Variants in ZNF577 observed in about 807,000 individuals in gnomAD.
ZNF577 encodes zinc finger protein 577.
ZNF577 carries 14 observed loss-of-function variants against 13.9 expected under a neutral mutation model. That is an observed-to-expected ratio of 1.00 (90% CI 0.66 to 1.57). The LOEUF (loss-of-function observed/expected upper bound fraction) is 1.57, where lower values mean the gene tolerates loss of function less well. ZNF577 is among the 40% of genes most tolerant of loss of function. ZNF577 has a pLI of 0.00. For missense variants in ZNF577, 555 were observed against 579.2 expected, an observed-to-expected ratio of 0.96 and a Z score of 0.43; for synonymous variants, 203 against 202.9, an observed-to-expected ratio of 1.00 and a Z score of 0.00.
At chr19:51,827,656 G>A (rs139723961) in intron 9 of ZNF577, among the ~76,000 whole-genome samples, 108 of 152,152 alleles carry the variant, frequency 7.1e-4, no homozygotes, top group African/African-American at 2.5e-3. Flanking sequence ...TTCCCAGCTG[G>A]CTTACATTTT....
rs1028836034 is a variant in ZNF577 at position 51,868,236 on chromosome 19, T to A, written c.*4296A>T. On this transcript the variant is annotated 3_prime_UTR_variant, in exon 6 of 6. Coordinates refer to ENST00000638348, the MANE Select transcript of ZNF577 (RefSeq NM_001370449.1). ...CATTGTAGACACTGTTCTAGAAGCT[T>A]TCTGTTAACAGTGATGCAGTTGTTA... 3.9e-5 allele frequency among the ~76,000 whole-genome samples: 6 copies of A among 152,204 alleles called. No individual in the cohort carries two copies. The East Asian group carries it at 1.2e-3, about 29-fold the overall frequency.
In ZNF577 at chr19:51,824,003, C is replaced by A. The variant is rs780689685; in HGVS notation, c.*600-12329G>T. The stretch of plus-strand genomic sequence containing the variant: ...TCCTACCATTCCGAATGGTCTCAGT[C>A]GCCATGAGAGAAAAATGGCCTTTTG... On this transcript the variant is annotated intron_variant and NMD_transcript_variant, in intron 9 of 10. Coordinates refer to the ZNF577 transcript ENST00000638827. The surrounding 1 kb of genome is among the most constrained non-coding windows in gnomAD (Gnocchi z 4.7). 4.3e-6 allele frequency: 7 copies of A among 1,614,056 alleles called. No homozygotes were observed. The Admixed American group carries it at 1.0e-4, about 23-fold the overall frequency.
At chr19:51,834,416 C>A (rs770646170) in intron 9 of ZNF577, among the ~76,000 whole-genome samples, 2 of 152,162 alleles carry the variant, frequency 1.3e-5, no homozygotes, top group African/African-American at 4.8e-5. Context: ...CAATATAATT[C>A]TTTTCAAGTG....
At chr19:51,866,893 A>G (rs1317248381), downstream of ZNF577, among the ~76,000 whole-genome samples, 1 of 152,096 alleles carries the variant, frequency 6.6e-6, no homozygotes, top group African/African-American at 2.4e-5. Context: ...GGGCAAGAGA[A>G]TCACTGGAAC....
At position 51,824,284 on chromosome 19, in the gene ZNF577, A is replaced by C; in HGVS notation, c.*600-12610T>G. 2 of 1,614,066 alleles carry C rather than the reference A, an allele frequency of 1.2e-6. No individual in the cohort carries two copies. The highest frequency in any genetic ancestry group is 1.7e-6 in the Non-Finnish European group (2 of 1,180,006). On this transcript the variant is annotated intron_variant and NMD_transcript_variant, in intron 9 of 10. Transcript: ENST00000638827. The surrounding 1 kb of genome is among the most constrained non-coding windows in gnomAD (Gnocchi z 4.7). ...AATGGGGACACATACTGTATTTTCA[A>C]CTTTGCATTCTGGGGTGACACTGCT...
At position 51,878,393 on chromosome 19, in the gene ZNF577, T is replaced by C. The variant is rs762425925; in HGVS notation, c.183A>G (p.Ser61=). 2 of 1,613,956 alleles carry C rather than the reference T, an allele frequency of 1.2e-6. No homozygotes were observed. Among genetic ancestry groups the C allele is most frequent in the Admixed American group, 3.3e-5 (2 of 60,022 alleles). The change falls in exon 4 of 6, where the codon TCA becomes TCG. Residue 61 remains serine (S), a synonymous_variant. Transcript: ENST00000638348. Reference sequence around the variant, plus strand: ...TGACGGCAATGCTGTCCTTACCTATTGATACTAGGTTGATGTAGTTCTCCA... The same window carrying C: ...TGACGGCAATGCTGTCCTTACCTATCGATACTAGGTTGATGTAGTTCTCCA... The part of the protein sequence containing the change: ...VMLENYINLV[S]IGYRGTKPDS...
intron 9 of ZNF577, among the ~76,000 whole-genome samples, chr19:51,817,308 C>A (rs534542491): frequency 8.6e-5 from 13 of 151,984 alleles, no homozygotes; most frequent in African/African-American, 2.7e-4. Context: ...CAAACAAAAC[C>A]AAAATAGAGT....
chr19:51,859,248 G>A (rs2084471973), intron 5 of ZNF577, among the ~76,000 whole-genome samples: 1 of 152,072 alleles, frequency 6.6e-6, no homozygotes, highest in East Asian at 1.9e-4. Context: ...CCTTTGATAG[G>A]CATTTGAGTT....
chr19:51,858,581 A>G (rs765009), intron 5 of ZNF577, among the ~76,000 whole-genome samples: 57,459 of 152,098 alleles, frequency 0.38, 11,990 homozygotes, highest in African/African-American at 0.55. Flanking sequence ...GGAAGGGGCA[A>G]AAATCTAGAG....
At chr19:51,839,821 A>C (rs537241019) in intron 9 of ZNF577, 1 of 152,124 alleles carries the variant, frequency 6.6e-6, no homozygotes, top group South Asian at 2.1e-4. Context: ...GCCTTCTTAC[A>C]CCGCAAACCT....
chr19:51,876,280 C>T (rs892935668), intron 5 of ZNF577, among the ~76,000 whole-genome samples: 10 of 152,038 alleles, frequency 6.6e-5, no homozygotes, highest in Admixed American at 6.6e-4. Context: ...GGTTTCACAT[C>T]CTGGAAGAAG....
At chr19:51,826,480 C>A (rs114018144) in intron 9 of ZNF577, among the ~76,000 whole-genome samples, 6,409 of 152,202 alleles carry the variant, frequency 0.042, 362 homozygotes, top group African/African-American at 0.13. Context: ...AATTATTAGA[C>A]CTGGCAGTTT....
At chr19:51,826,824 G>A (rs2122507306) in intron 9 of ZNF577, among the ~76,000 whole-genome samples, 1 of 152,292 alleles carries the variant, frequency 6.6e-6, no homozygotes, top group East Asian at 1.9e-4. Context: ...ATAGGAGAGT[G>A]GAAAGTGGTC....
chr19:51,886,429 ATCTTT>A (rs2084948154), intron 1 of ZNF577: 1 of 152,204 alleles, frequency 6.6e-6, no homozygotes, highest in South Asian at 2.1e-4. Context: ...AATCCAAGAT[ATCTTT>A]TCATTTTTTG....
rs2084642581 is a variant in ZNF577 at position 51,870,517 on chromosome 19, T to C, written c.*2015A>G. 6.6e-6 allele frequency among the ~76,000 whole-genome samples: 1 copy of C among 152,158 alleles called. No homozygotes were observed. The highest frequency in any genetic ancestry group is 2.1e-4 in the South Asian group (1 of 4,830). On this transcript the variant is annotated 3_prime_UTR_variant, in exon 6 of 6. Coordinates refer to ENST00000638348, the MANE Select transcript of ZNF577 (RefSeq NM_001370449.1). ...AGGTCCACTGTGATTCTCCAAATGT[T>C]AGGAGGCGTTTCCACTCCAGCTGGT...
intron 9 of ZNF577, among the ~76,000 whole-genome samples, chr19:51,827,358 T>C (rs1004035420): frequency 6.6e-6 from 1 of 152,214 alleles, no homozygotes; most frequent in African/African-American, 2.4e-5. Context: ...GTTTCACTTA[T>C]TGGCATGAGA....
chr19:51,877,181 G>T (rs2122690570), intron 5 of ZNF577, 101 bp downstream of exon 5: 1 of 978,140 alleles, frequency 1.0e-6, no homozygotes, highest in Non-Finnish European at 1.6e-6. Flanking sequence ...ACCAACTACT[G>T]TGAAGTCCTC....
chr19:51,832,468 G>C (rs2084265647), intron 9 of ZNF577, among the ~76,000 whole-genome samples: 1 of 151,972 alleles, frequency 6.6e-6, no homozygotes, highest in African/African-American at 2.4e-5. Context: ...TGATCCTCCT[G>C]CCTCAGCCTC....
At position 51,872,803 on chromosome 19, in the gene ZNF577, G is replaced by A. The variant is rs1033006080; in HGVS notation, c.1187C>T (p.Thr396Ile). 4 of 1,614,166 alleles carry A rather than the reference G, an allele frequency of 2.5e-6. No homozygotes were observed. The highest frequency in any genetic ancestry group is 3.4e-6 in the Non-Finnish European group (4 of 1,180,018). The change falls in exon 6 of 6, where the codon ACC (threonine) becomes ATC (isoleucine). Residue 396 changes from threonine to isoleucine, a missense_variant. Thr to Ile is a moderately conservative substitution (Grantham distance 89). Coordinates refer to ENST00000638348, the MANE Select transcript of ZNF577 (RefSeq NM_001370449.1). ...TATGAGTTCGCTCATGTATAAGGAG[G>A]TATGACTCCTTGAGGAAGGTTTCTC... is the stretch of plus-strand genomic sequence containing the variant. ...TVEKPSSRSH[T>I]SLYMSELIQE...
Sources: allele counts gnomAD v4.1 joint callset (sites outside exome capture counted in the v4.1 genomes callset), GRCh38; gene constraint gnomAD v4.1.1; non-coding constraint Gnocchi (gnomAD v3.1); transcripts MANE v1.5; gene names NCBI Gene and HGNC (gene_info 2026-07-23, HGNC 2026-07-21).